CDK15: variants seen among roughly 807,000 people sequenced by gnomAD.
CDK15 encodes cyclin dependent kinase 15.
A neutral mutation model predicts 60.3 loss-of-function variants in CDK15; 62 were observed. The ratio of observed to expected loss-of-function variants is 1.03; its 90% confidence interval spans 0.84 to 1.27. The LOEUF is 1.27. Among genes scored for constraint, CDK15 ranks in the 50% most tolerant of loss-of-function variants. CDK15 has a pLI of 0.00. For synonymous variants in CDK15, 194 were observed against 195.7 expected, an observed-to-expected ratio of 0.99 and a Z score of 0.07; for missense variants, 541 against 527.8, an observed-to-expected ratio of 1.03 and a Z score of -0.25.
chr2:201,830,166 C>A (rs952976775), intron 6 of CDK15, among the ~76,000 whole-genome samples: 14 of 152,044 alleles, frequency 9.2e-5, no homozygotes, highest in African/African-American at 3.4e-4. Context: ...GTCTCGAACT[C>A]CTGGACTCAA....
intron 8 of CDK15, among the ~76,000 whole-genome samples, chr2:201,837,303 CAGAGAG>C (rs112414025): frequency 1.5e-4 from 19 of 123,690 alleles, no homozygotes; most frequent in African/African-American, 5.2e-4. Context: ...AAGAAAGAAA[CAGAGAG>C]AGAGAGAGAG....
rs201420169 is a variant in CDK15, at chr2:201,835,750, G to A, written c.838G>A (p.Glu280Lys). 16 of 1,598,618 alleles carry A rather than the reference G, an allele frequency of 1.0e-5. No individual in the cohort carries two copies. In the Admixed American group the frequency reaches 2.7e-4, roughly 27 times the overall value. The change falls in exon 8 of 14, where the codon GAG becomes AAG. Residue 280 changes from glutamate to lysine, a missense_variant. Coordinates refer to ENST00000652192, the MANE Select transcript of CDK15 (RefSeq NM_001366386.2). Reference sequence around the variant, plus strand: ...GCTGGGAGCCACTGAATATTCCTCTGAGCTGGACATATGGTAAGAGTGGTG... The same window carrying A: ...GCTGGGAGCCACTGAATATTCCTCTAAGCTGGACATATGGTAAGAGTGGTG... ...ALLGATEYSS[E>K]LDIWGAGCIF...
intron 4 of CDK15, among the ~76,000 whole-genome samples, chr2:201,820,017 T>C (rs556353284): frequency 2.6e-5 from 4 of 152,354 alleles, no homozygotes; most frequent in South Asian, 4.1e-4. Flanking sequence ...GCCATCATAA[T>C]GAACAAATCA....
intron 12 of CDK15, chr2:201,888,768 G>A: frequency 8.5e-7 from 1 of 1,181,380 alleles, no homozygotes; most frequent in Non-Finnish European, 1.0e-6. Context: ...CTTTTGAGGG[G>A]CAAGGAAGCC....
chr2:201,886,280 C>A (rs1699447554), intron 12 of CDK15, among the ~76,000 whole-genome samples: 1 of 151,730 alleles, frequency 6.6e-6, no homozygotes, highest in African/African-American at 2.4e-5. Context: ...ATTTTCTTTT[C>A]TTTTCTTTTC....
chr2:201,819,041 C>T (rs1205575998), intron 4 of CDK15, among the ~76,000 whole-genome samples: 1 of 151,740 alleles, frequency 6.6e-6, no homozygotes, highest in Non-Finnish European at 1.5e-5. Flanking sequence ...AGACAATAAA[C>T]AAATATTTAT....
At chr2:201,833,219 G>A (rs569044594) in intron 6 of CDK15, among the ~76,000 whole-genome samples, 1 of 140,364 alleles carries the variant, frequency 7.1e-6, no homozygotes, top group Non-Finnish European at 1.6e-5. Flanking sequence ...TGAGGGGGGG[G>A]GTCTAACTTA....
chr2:201,843,677 G>C lies in CDK15; in HGVS notation c.852-3704G>C, dbSNP rs564508926. Among the ~76,000 whole-genome samples, 155 of 152,022 alleles carry C rather than the reference G, an allele frequency of 1.0e-3. 1 individual carries two copies. The highest frequency in any genetic ancestry group is 1.7e-3 in the Non-Finnish European group (113 of 68,008). ...TGTGCATGTGCGTGTATATAAATGAGTAACCTTAGACTTAGATTTGTTAGA... is the reference window on the plus strand; with the variant it reads ...TGTGCATGTGCGTGTATATAAATGACTAACCTTAGACTTAGATTTGTTAGA... On this transcript the variant is annotated intron_variant, in intron 8 of 13. Coordinates refer to ENST00000652192, the MANE Select transcript of CDK15 (RefSeq NM_001366386.2).
chr2:201,844,586 A>T lies in CDK15; in HGVS notation c.852-2795A>T, dbSNP rs184866177. On this transcript the variant is annotated intron_variant, in intron 8 of 13. Coordinates refer to ENST00000652192, the MANE Select transcript of CDK15 (RefSeq NM_001366386.2). ...TACCTCAAGATACTTTACCAAATTC[A>T]TAAGTTACATTTATCTGATCAAAAT... Among the ~76,000 whole-genome samples the T allele has an allele frequency of 2.6e-4, 39 of 152,362 alleles. No homozygotes were observed. In the East Asian group the frequency reaches 7.1e-3, roughly 28 times the overall value.
At chr2:201,838,913 T>TA (rs1198545410) in intron 8 of CDK15, among the ~76,000 whole-genome samples, 3 of 152,182 alleles carry the variant, frequency 2.0e-5, no homozygotes, top group Non-Finnish European at 2.9e-5. Flanking sequence ...GAGGTATTCT[T>TA]AAAAATATTT....
At chr2:201,809,387 AT>A (rs1695653640) in intron 3 of CDK15, among the ~76,000 whole-genome samples, 1 of 152,074 alleles carries the variant, frequency 6.6e-6, no homozygotes, top group African/African-American at 2.4e-5. Context: ...GGGAATTTAT[AT>A]TGTATATTCA....
chr2:201,810,731 G>A (rs1695717633), intron 3 of CDK15, among the ~76,000 whole-genome samples: 2 of 152,078 alleles, frequency 1.3e-5, no homozygotes, highest in African/African-American at 2.4e-5. Flanking sequence ...GTATGAAAAA[G>A]GGGGAGAAAG....
Position 201,833,969 on chromosome 2 carries a change from T to C in CDK15, c.728T>C (p.Phe243Ser). ...CTGGGAGAGCTCAAACTGGCTGATT[T>C]TGGTAAGTCGCCCCTCGGGTCTCAT... ...SHLGELKLAD[F>S]GLARAKSIPS... Residue 243 changes from phenylalanine to serine, a missense_variant and splice_region_variant, in exon 7 of 14, where the codon TTT becomes TCT. Phe to Ser is a radical substitution (Grantham distance 155). Transcript: ENST00000652192. 1 of 1,613,456 alleles carries C rather than the reference T, an allele frequency of 6.2e-7. No homozygotes were observed.
At chr2:201,822,161 C>T (rs1696255947) in intron 4 of CDK15, among the ~76,000 whole-genome samples, 1 of 152,204 alleles carries the variant, frequency 6.6e-6, no homozygotes, top group Non-Finnish European at 1.5e-5. Flanking sequence ...AGAGAAAGCC[C>T]TCAGCCTTCT....
At chr2:201,810,448 C>T (rs3937458) in intron 3 of CDK15, among the ~76,000 whole-genome samples, 152,144 of 152,160 alleles carry the variant, frequency 1, 76,064 homozygotes, top group Non-Finnish European at 1. Flanking sequence ...AGGAGCCAAC[C>T]GAAAGAGCTT....
chr2:201,815,826 A>G (rs1433671930), intron 4 of CDK15, among the ~76,000 whole-genome samples: 1 of 152,098 alleles, frequency 6.6e-6, no homozygotes, highest in African/African-American at 2.4e-5. Flanking sequence ...TCCCCTACAT[A>G]ATGTATATTT....
At chr2:201,883,362 G>A (rs548621212) in intron 12 of CDK15, among the ~76,000 whole-genome samples, 4 of 152,258 alleles carry the variant, frequency 2.6e-5, no homozygotes, top group African/African-American at 4.8e-5. Context: ...CAGTGTAGGA[G>A]CGGCATAGAA....
intron 12 of CDK15, among the ~76,000 whole-genome samples, chr2:201,888,035 T>C (rs919740639): frequency 3.4e-5 from 1 of 29,350 alleles, no homozygotes; most frequent in East Asian, 7.8e-4. Context: ...TTTTCAACCT[T>C]TTTTTTTTTT....
rs537305773 is a variant in CDK15, at chr2:201,888,836, C to T, written c.1199-1949C>T. On this transcript the variant is annotated intron_variant, in intron 12 of 13. Transcript: ENST00000652192. ...CCCAAGGCAAGAGGATACTTCTCCC[C>T]GAGAGAAGTTCCCCAAATGGTTTGG... is the stretch of plus-strand genomic sequence containing the variant. 124 of 1,073,300 alleles carry T rather than the reference C, an allele frequency of 1.2e-4. No individual in the cohort carries two copies. The African/African-American group carries it at 1.9e-3, about 16-fold the overall frequency. The allele number at this position is 1,073,300 out of a possible 1,614,324, so 66.5% of individuals were successfully genotyped here.
Sources: gnomAD v4.1 joint callset for allele counts (sites outside exome capture counted in the v4.1 genomes callset) on GRCh38, gnomAD v4.1.1 for gene constraint, MANE v1.5 for transcripts, NCBI Gene and HGNC (gene_info 2026-07-23, HGNC 2026-07-21) for gene names.